The following TSHZ2 variants were observed in gnomAD, a reference collection of about 807,000 sequenced individuals.
The protein encoded by TSHZ2 is teashirt homolog 2.
A neutral mutation model predicts 74.4 loss-of-function variants in TSHZ2; 21 were observed. That is an observed-to-expected ratio of 0.28 (90% CI 0.20 to 0.41). The LOEUF (loss-of-function observed/expected upper bound fraction) is 0.41. TSHZ2 is among the 10% of genes least tolerant of loss of function. The pLI, the probability that TSHZ2 is intolerant of heterozygous loss-of-function variation, is 1.00. For missense variants in TSHZ2, 1,244 were observed against 1,293.5 expected, an observed-to-expected ratio of 0.96 and a Z score of 0.59; for synonymous variants, 540 against 515.3, an observed-to-expected ratio of 1.05 and a Z score of -0.65.
At chr20:53,350,487 G>T (rs1315125036) in intron 2 of TSHZ2, among the ~76,000 whole-genome samples, 1 of 152,160 alleles carries the variant, frequency 6.6e-6, no homozygotes, top group African/African-American at 2.4e-5. Flanking sequence ...TATTCAAGGG[G>T]TCTAACCCCA....
intron 2 of TSHZ2, among the ~76,000 whole-genome samples, chr20:53,417,515 T>G: frequency 6.6e-6 from 1 of 152,190 alleles, no homozygotes; most frequent in East Asian, 1.9e-4. Context: ...CAGACTGGTC[T>G]CCACCTCCTG....
intron 2 of TSHZ2, among the ~76,000 whole-genome samples, chr20:53,467,935 T>C (rs576962429): frequency 1.3e-5 from 2 of 152,256 alleles, no homozygotes; most frequent in South Asian, 2.1e-4. Flanking sequence ...CATAGTCAAA[T>C]GCAACAGAGA....
intron 2 of TSHZ2, among the ~76,000 whole-genome samples, chr20:53,293,198 C>T (rs1991313024): frequency 6.6e-6 from 1 of 152,226 alleles, no homozygotes; most frequent in Non-Finnish European, 1.5e-5. Flanking sequence ...TGCAGTGGCT[C>T]ACACCTGTAA....
At chr20:53,292,342 T>C (rs904074132) in intron 2 of TSHZ2, among the ~76,000 whole-genome samples, 1 of 152,120 alleles carries the variant, frequency 6.6e-6, no homozygotes, top group Non-Finnish European at 1.5e-5. Context: ...CATTTCTGAA[T>C]CCAGTAGCAA....
At chr20:53,434,518 A>G (rs2145739462) in intron 2 of TSHZ2, among the ~76,000 whole-genome samples, 1 of 152,370 alleles carries the variant, frequency 6.6e-6, no homozygotes, top group Middle Eastern at 3.4e-3. Context: ...TTTTGGAAGA[A>G]TCATAAGGAA....
intron 1 of TSHZ2, among the ~76,000 whole-genome samples, chr20:53,163,360 C>CTTTTTTTTTTTTTTTTTTTTTTTTTTT (rs55685519): frequency 1.5e-5 from 1 of 65,634 alleles, no homozygotes; most frequent in African/African-American, 5.5e-5. Flanking sequence ...CTCTCTGTCT[C>CTTTTTTTTTTTTTTTTTTTTTTTTTTT]TTTTTTTTTT....
intron 1 of TSHZ2, among the ~76,000 whole-genome samples, chr20:53,038,131 G>A (rs1411382007): frequency 6.8e-6 from 1 of 146,602 alleles, no homozygotes; most frequent in African/African-American, 2.5e-5. Flanking sequence ...GGCGGAGGTC[G>A]CAGTGAGCTG....
Position 53,233,756 on chromosome 20 carries a change from G to A in TSHZ2, c.41-19743G>A, listed in dbSNP as rs1989879025. On this transcript the variant is annotated intron_variant, in intron 1 of 2. Transcript: ENST00000371497. Reference sequence around the variant, plus strand: ...GGAGGAAGAACTTGGAGACTCTGTAGTATAAATTCAGACATTATTAAATAG... The same window carrying A: ...GGAGGAAGAACTTGGAGACTCTGTAATATAAATTCAGACATTATTAAATAG... Among the ~76,000 whole-genome samples the A allele has an allele frequency of 2.0e-5, 3 of 152,144 alleles. No individual in the cohort carries two copies. In the South Asian group the frequency reaches 6.2e-4, roughly 31 times the overall value.
chr20:53,010,103 A>G (rs577835911), intron 1 of TSHZ2, among the ~76,000 whole-genome samples: 5 of 152,176 alleles, frequency 3.3e-5, no homozygotes, highest in Non-Finnish European at 7.4e-5. Context: ...GTATGTAAAT[A>G]CTGAGAACCT....
At chr20:53,103,787 C>T (rs1318889566) in intron 1 of TSHZ2, among the ~76,000 whole-genome samples, 1 of 152,108 alleles carries the variant, frequency 6.6e-6, no homozygotes, top group Non-Finnish European at 1.5e-5. Context: ...TTTGATGCTC[C>T]ATGATGAATC....
At chr20:53,450,938 A>G (rs1231449980) in intron 2 of TSHZ2, among the ~76,000 whole-genome samples, 2 of 151,878 alleles carry the variant, frequency 1.3e-5, no homozygotes, top group Non-Finnish European at 2.9e-5. Flanking sequence ...ACTTTTCTCT[A>G]CTTAATACTA....
intron 2 of TSHZ2, among the ~76,000 whole-genome samples, chr20:53,307,507 A>G (rs1978593797): frequency 1.3e-5 from 2 of 152,086 alleles, no homozygotes; most frequent in South Asian, 2.1e-4. Context: ...TTGCCTGCAG[A>G]CTGTTTCTCA....
intron 1 of TSHZ2, among the ~76,000 whole-genome samples, chr20:53,097,441 T>TTTGGCCTTTATGAC (rs1329987535): frequency 6.6e-6 from 1 of 152,178 alleles, no homozygotes; most frequent in African/African-American, 2.4e-5. Context: ...TCCCATCTCC[T>TTTGGCCTTTATGAC]TTGGCCTTTA....
chr20:53,375,891 T>C (rs1981640410), intron 2 of TSHZ2, among the ~76,000 whole-genome samples: 1 of 152,216 alleles, frequency 6.6e-6, no homozygotes, highest in African/African-American at 2.4e-5. Flanking sequence ...TTCATTTCTT[T>C]ATTTATTATT....
intron 1 of TSHZ2, among the ~76,000 whole-genome samples, chr20:53,184,782 C>T (rs755414416): frequency 4.6e-5 from 7 of 152,228 alleles, no homozygotes; most frequent in Admixed American, 2.0e-4. Context: ...AGTCTTGGCT[C>T]ACTGCATCCT....
At chr20:53,092,310 C>T (rs956024065) in intron 1 of TSHZ2, among the ~76,000 whole-genome samples, 1 of 152,098 alleles carries the variant, frequency 6.6e-6, no homozygotes, top group Admixed American at 6.5e-5. Flanking sequence ...AGTCAAGTGT[C>T]GACTGAAGCT....
At chr20:53,465,012 T>A (rs1247727694) in intron 2 of TSHZ2, among the ~76,000 whole-genome samples, 10 of 152,166 alleles carry the variant, frequency 6.6e-5, no homozygotes, top group Admixed American at 5.9e-4. Flanking sequence ...TCTTAGAGCA[T>A]CCTGGGCAAC....
In TSHZ2 at chr20:53,099,758, C is replaced by T. The variant is rs181975013; in HGVS notation, c.40+126425C>T. Among the ~76,000 whole-genome samples, 27 of 152,260 alleles carry T rather than the reference C, an allele frequency of 1.8e-4. No individual in the cohort carries two copies. In the South Asian group the frequency reaches 2.7e-3, roughly 15 times the overall value. On this transcript the variant is annotated intron_variant, in intron 1 of 2. Coordinates refer to ENST00000371497, the MANE Select transcript of TSHZ2 (RefSeq NM_173485.6). ...ATCTTGTGAGACCTATTCACTACTA[C>T]GACAAGAGTATGGGGGAAACTGCCC...
intron 2 of TSHZ2, among the ~76,000 whole-genome samples, chr20:53,319,631 G>T (rs983586427): frequency 6.6e-6 from 1 of 152,270 alleles, no homozygotes; most frequent in African/African-American, 2.4e-5. Context: ...AAGGCTGAGA[G>T]TGGAATGGAG....
Sources: allele counts gnomAD v4.1 joint callset (sites outside exome capture counted in the v4.1 genomes callset), GRCh38; gene constraint gnomAD v4.1.1; transcripts MANE v1.5; gene names NCBI Gene and HGNC (gene_info 2026-07-23, HGNC 2026-07-21).